The following STXBP5L variants were observed in gnomAD, a reference collection of about 807,000 sequenced individuals.
STXBP5L encodes the protein syntaxin-binding protein 5-like.
A neutral mutation model predicts 144.5 loss-of-function variants in STXBP5L; 65 were observed. The observed-to-expected ratio is 0.45, with a 90% confidence interval of 0.37 to 0.55. The LOEUF is 0.55. Ranked by LOEUF, STXBP5L falls within the 20% of genes least tolerant of loss-of-function variation. The pLI, the probability that STXBP5L is intolerant of heterozygous loss-of-function variation, is 0.00. For missense variants in STXBP5L, 1,298 were observed against 1,405.5 expected (o/e 0.92, Z 1.22); for synonymous variants, 505 against 469.6 (o/e 1.08, Z -0.97).
intron 5 of STXBP5L, among the ~76,000 whole-genome samples, chr3:121,084,449 C>T (rs1481468430): frequency 1.3e-5 from 2 of 152,142 alleles, no homozygotes; most frequent in Non-Finnish European, 2.9e-5. Flanking sequence ...TAAGTGAGAA[C>T]ATGTGGTGTT....
intron 19 of STXBP5L, among the ~76,000 whole-genome samples, chr3:121,316,217 G>T (rs1366535077): frequency 3.3e-5 from 5 of 152,238 alleles, no homozygotes; most frequent in African/African-American, 1.2e-4. Context: ...TTGACACGTT[G>T]TAAATTGGCA....
intron 5 of STXBP5L, among the ~76,000 whole-genome samples, chr3:121,082,462 C>T (rs1303539926): frequency 1.3e-5 from 2 of 152,198 alleles, no homozygotes; most frequent in Admixed American, 6.5e-5. Context: ...CTTTGCTGAA[C>T]TCACTAGTAA....
At chr3:121,027,999 T>C (rs1459182967) in intron 3 of STXBP5L, among the ~76,000 whole-genome samples, 1 of 152,130 alleles carries the variant, frequency 6.6e-6, no homozygotes. Flanking sequence ...TATTTGGTGA[T>C]ATGCAATAGG....
chr3:121,045,351 C>T (rs1947440678), intron 4 of STXBP5L, 84 bp from the exon 5 acceptor site: 1 of 1,235,158 alleles, frequency 8.1e-7, no homozygotes, highest in Non-Finnish European at 1.1e-6. Flanking sequence ...AGGTAGTAAA[C>T]ATTGAGTAAA....
At chr3:121,348,492 C>A (rs1331319438) in intron 20 of STXBP5L, among the ~76,000 whole-genome samples, 1 of 151,990 alleles carries the variant, frequency 6.6e-6, no homozygotes, top group Non-Finnish European at 1.5e-5. Context: ...AGGGAGGATC[C>A]CCTCTTTTTC....
intron 22 of STXBP5L, among the ~76,000 whole-genome samples, chr3:121,397,801 C>T (rs890124116): frequency 6.6e-6 from 1 of 152,208 alleles, no homozygotes; most frequent in Non-Finnish European, 1.5e-5. Context: ...GGTTGTCCAT[C>T]GGGCCCTTCA....
intron 2 of STXBP5L, among the ~76,000 whole-genome samples, chr3:120,922,095 T>C (rs1425633274): frequency 6.6e-6 from 1 of 151,952 alleles, no homozygotes; most frequent in South Asian, 2.1e-4. Context: ...AGTTCATGAG[T>C]GTGAAATTCT....
At chr3:121,319,947 G>C (rs935422736) in intron 20 of STXBP5L, among the ~76,000 whole-genome samples, 1 of 151,972 alleles carries the variant, frequency 6.6e-6, no homozygotes. Flanking sequence ...GTGAGACCCT[G>C]TCTCATTAAA....
intron 7 of STXBP5L, among the ~76,000 whole-genome samples, chr3:121,140,053 A>AC (rs1180223350): frequency 6.6e-6 from 1 of 152,098 alleles, no homozygotes; most frequent in Non-Finnish European, 1.5e-5. Flanking sequence ...TATATTAAAA[A>AC]ATTAAAATAG....
Position 121,239,020 on chromosome 3 carries a change from G to C in STXBP5L, c.1234G>C (p.Val412Leu). ...PYPMDIHESPVTCTAYFADCP... is the reference protein window; with the variant it reads ...PYPMDIHESPLTCTAYFADCP... ...TCCCATGGACATTCATGAATCACCA[G>C]TTACATGCACAGCATACTTTGCAGA... is the stretch of plus-strand genomic sequence containing the variant. The change falls in exon 13 of 27, where the codon GTT becomes CTT. Residue 412 changes from valine to leucine, a missense_variant. Coordinates refer to ENST00000471454, the MANE Select transcript of STXBP5L (RefSeq NM_001308330.2). 1 of 1,609,418 alleles carries C rather than the reference G, an allele frequency of 6.2e-7. No homozygotes were observed. The highest frequency in any genetic ancestry group is 8.5e-7 in the Non-Finnish European group (1 of 1,177,996).
chr3:121,021,638 A>C (rs2108215542), intron 3 of STXBP5L, among the ~76,000 whole-genome samples: 1 of 152,300 alleles, frequency 6.6e-6, no homozygotes, highest in Non-Finnish European at 1.5e-5. Context: ...CAAATAATGG[A>C]AATTAAATAA....
intron 9 of STXBP5L, among the ~76,000 whole-genome samples, chr3:121,160,237 G>A (rs983194362): frequency 3.9e-5 from 6 of 152,048 alleles, no homozygotes; most frequent in East Asian, 1.9e-4. Context: ...AGAAGTGCAC[G>A]CTTCTCAGTT....
chr3:121,302,500 G>C (rs1041125155), intron 19 of STXBP5L, among the ~76,000 whole-genome samples: 1 of 151,990 alleles, frequency 6.6e-6, no homozygotes, highest in African/African-American at 2.4e-5. Flanking sequence ...ACCAGCTCTT[G>C]GATTCACTGA....
At chr3:121,005,445 C>T (rs1005749227) in intron 3 of STXBP5L, among the ~76,000 whole-genome samples, 1 of 151,994 alleles carries the variant, frequency 6.6e-6, no homozygotes, top group Admixed American at 6.6e-5. Context: ...TCTCTCTTTT[C>T]TTCTTTATTA....
At chr3:120,990,981 G>C (rs1451676788) in intron 3 of STXBP5L, among the ~76,000 whole-genome samples, 1 of 152,074 alleles carries the variant, frequency 6.6e-6, no homozygotes, top group Non-Finnish European at 1.5e-5. Context: ...CTGACAAATG[G>C]GATCTAATTA....
chr3:121,154,059 G>A (rs2046031657), intron 8 of STXBP5L, among the ~76,000 whole-genome samples: 1 of 151,630 alleles, frequency 6.6e-6, no homozygotes, highest in Admixed American at 6.6e-5. Flanking sequence ...GCTTTCCTAT[G>A]GCCTTAAAAA....
chr3:120,957,574 T>A (rs1938183730), intron 3 of STXBP5L, among the ~76,000 whole-genome samples: 1 of 152,020 alleles, frequency 6.6e-6, no homozygotes, highest in African/African-American at 2.4e-5. Context: ...ATTGAAAGTA[T>A]TCCCTGCTTT....
chr3:121,309,729 C>T (rs1441799871), intron 19 of STXBP5L, among the ~76,000 whole-genome samples: 2 of 152,102 alleles, frequency 1.3e-5, no homozygotes, highest in African/African-American at 4.8e-5. Flanking sequence ...TTGGAAGACT[C>T]ACCTTTTAAA....
intron 19 of STXBP5L, among the ~76,000 whole-genome samples, chr3:121,303,836 C>T (rs1263162662): frequency 6.6e-6 from 1 of 151,690 alleles, no homozygotes; most frequent in Non-Finnish European, 1.5e-5. Flanking sequence ...AATGAGAACA[C>T]ATGGACACAG....
Sources: gnomAD v4.1 joint callset for allele counts (sites outside exome capture counted in the v4.1 genomes callset) on GRCh38, gnomAD v4.1.1 for gene constraint, MANE v1.5 for transcripts, NCBI Gene and HGNC (gene_info 2026-07-23, HGNC 2026-07-21) for gene names.